THSD4: variants seen among roughly 807,000 people sequenced by gnomAD.
The protein encoded by THSD4 is thrombospondin type 1 domain containing 4.
A neutral mutation model predicts 119.0 loss-of-function variants in THSD4; 69 were observed. That is an observed-to-expected ratio of 0.58 (90% confidence interval 0.48 to 0.71). THSD4 has a LOEUF of 0.71. THSD4 is among the 30% of genes least tolerant of loss of function. THSD4 has a pLI of 0.00. For missense variants in THSD4, 1,393 were observed against 1,391.1 expected, an observed-to-expected ratio of 1.00 and a Z score of -0.02; for synonymous variants, 524 against 540.4, an observed-to-expected ratio of 0.97 and a Z score of 0.42.
intron 7 of THSD4, among the ~76,000 whole-genome samples, chr15:71,457,165 TGAGCTCAG>T (rs1300385434): frequency 6.6e-6 from 1 of 152,108 alleles, no homozygotes; most frequent in Non-Finnish European, 1.5e-5. Flanking sequence ...CAGATCGCTC[TGAGCTCAG>T]GAGTTCAAGA....
intron 6 of THSD4, among the ~76,000 whole-genome samples, chr15:71,377,461 A>G (rs2046153644): frequency 6.6e-6 from 1 of 152,072 alleles, no homozygotes; most frequent in Non-Finnish European, 1.5e-5. Context: ...GAATGTCTGC[A>G]TCGGGGTGGA....
chr15:71,281,162 G>A (rs186544457), intron 6 of THSD4, among the ~76,000 whole-genome samples: 7 of 152,350 alleles, frequency 4.6e-5, no homozygotes, highest in Admixed American at 3.9e-4. Flanking sequence ...CTGTGGCACA[G>A]AGTTGGGCTG....
chr15:71,576,579 C>A (rs1312266953), intron 7 of THSD4, among the ~76,000 whole-genome samples: 1 of 152,144 alleles, frequency 6.6e-6, no homozygotes, highest in African/African-American at 2.4e-5. Context: ...TTTGTTAGGA[C>A]AGTCATGTAC....
intron 6 of THSD4, among the ~76,000 whole-genome samples, chr15:71,329,607 G>A (rs576147347): frequency 1.2e-4 from 18 of 152,296 alleles, no homozygotes; most frequent in Non-Finnish European, 2.2e-4. Context: ...CATGTCTCAG[G>A]CAGTATGCTG....
chr15:71,111,219 A>T (rs751711990), upstream of THSD4: 3 of 1,613,724 alleles, frequency 1.9e-6, no homozygotes, highest in Admixed American at 5.0e-5. Flanking sequence ...AAAGGGAAAG[A>T]GAAGGAGATA....
At chr15:71,409,892 T>G (rs528957512) in intron 6 of THSD4, among the ~76,000 whole-genome samples, 2 of 152,054 alleles carry the variant, frequency 1.3e-5, no homozygotes, top group Admixed American at 1.3e-4. Flanking sequence ...AACAGTTTTT[T>G]TTTTTTTGTT....
At chr15:71,433,103 A>T (rs1443879719) in intron 7 of THSD4, among the ~76,000 whole-genome samples, 2 of 151,754 alleles carry the variant, frequency 1.3e-5, no homozygotes, top group African/African-American at 4.8e-5. Flanking sequence ...TTTTAGAAAC[A>T]GCCTTTTCTG....
chr15:71,122,909 A>G (rs1360890782), intron 1 of THSD4, among the ~76,000 whole-genome samples: 1 of 152,218 alleles, frequency 6.6e-6, no homozygotes, highest in Non-Finnish European at 1.5e-5. Context: ...CAAAAGCAAG[A>G]GCTGTAATAA....
chr15:71,357,040 C>T (rs143230522), intron 6 of THSD4, among the ~76,000 whole-genome samples: 155 of 152,286 alleles, frequency 1.0e-3, no homozygotes, highest in African/African-American at 3.3e-3. Context: ...AATGTCAGTG[C>T]TCCCAGCATT....
chr15:71,529,913 G>C (rs1273904626), intron 7 of THSD4, among the ~76,000 whole-genome samples: 1 of 152,150 alleles, frequency 6.6e-6, no homozygotes, highest in African/African-American at 2.4e-5. Context: ...GACCTGGTTT[G>C]TTGGGATATG....
chr15:71,577,648 G>A (rs1056060907), intron 7 of THSD4, among the ~76,000 whole-genome samples: 1 of 151,144 alleles, frequency 6.6e-6, no homozygotes, highest in Non-Finnish European at 1.5e-5. Context: ...CCCTAATTCA[G>A]CTCTAAGGGG....
At chr15:71,560,329 T>C (rs1029737614) in intron 7 of THSD4, among the ~76,000 whole-genome samples, 1 of 151,814 alleles carries the variant, frequency 6.6e-6, no homozygotes, top group Non-Finnish European at 1.5e-5. Context: ...TCAACAACCA[T>C]GTATTGAGTG....
chr15:71,606,284 C>G (rs1334393466), intron 7 of THSD4, among the ~76,000 whole-genome samples: 1 of 152,238 alleles, frequency 6.6e-6, no homozygotes, highest in African/African-American at 2.4e-5. Flanking sequence ...CTCTTCTAAA[C>G]TACTTTGTGC....
At chr15:71,565,068 T>G (rs1370510829) in intron 7 of THSD4, among the ~76,000 whole-genome samples, 1 of 152,192 alleles carries the variant, frequency 6.6e-6, no homozygotes, top group Non-Finnish European at 1.5e-5. Flanking sequence ...CCTTAGGTTT[T>G]TAAGCCTTTT....
chr15:71,327,962 A>G (rs1358332961), intron 6 of THSD4, among the ~76,000 whole-genome samples: 1 of 152,242 alleles, frequency 6.6e-6, no homozygotes, highest in Non-Finnish European at 1.5e-5. Context: ...TACTGTAGCA[A>G]TGATGGCCTC....
intron 5 of THSD4, among the ~76,000 whole-genome samples, chr15:71,252,350 G>T (rs772135086): frequency 6.6e-6 from 1 of 152,234 alleles, no homozygotes; most frequent in Non-Finnish European, 1.5e-5. Context: ...ACTTCAGAGA[G>T]TCTGTTAAAA....
At chr15:71,295,100 A>G (rs1324649293) in intron 6 of THSD4, among the ~76,000 whole-genome samples, 1 of 152,028 alleles carries the variant, frequency 6.6e-6, no homozygotes, top group Non-Finnish European at 1.5e-5. Context: ...CCTTAAGATA[A>G]ACAGATTGGG....
At chr15:71,214,317 G>A (rs994125002) in intron 3 of THSD4, among the ~76,000 whole-genome samples, 3 of 152,226 alleles carry the variant, frequency 2.0e-5, no homozygotes, top group African/African-American at 7.2e-5. Flanking sequence ...TTTGTATGCT[G>A]TGGAAGCTTT....
chr15:71,332,815 C>A (rs1253314864), intron 6 of THSD4, among the ~76,000 whole-genome samples: 5 of 151,588 alleles, frequency 3.3e-5, no homozygotes, highest in Non-Finnish European at 7.4e-5. Context: ...TTGTCCAACC[C>A]GTGTCTTGTG....
Sources: gnomAD v4.1 joint callset for allele counts (sites outside exome capture counted in the v4.1 genomes callset) on GRCh38, gnomAD v4.1.1 for gene constraint, MANE v1.5 for transcripts, NCBI Gene and HGNC (gene_info 2026-07-23, HGNC 2026-07-21) for gene names.